Variants in CSGALNACT1 observed in about 807,000 individuals in gnomAD.
The protein encoded by CSGALNACT1 is chondroitin sulfate N-acetylgalactosaminyltransferase 1.
CSGALNACT1 carries 52 observed loss-of-function variants against 51.0 expected under a neutral mutation model. The observed-to-expected ratio is 1.02, with a 90% CI of 0.82 to 1.29. The LOEUF (loss-of-function observed/expected upper bound fraction) is 1.29. Ranked by LOEUF, CSGALNACT1 falls within the 50% of genes most tolerant of loss-of-function variation. The pLI, the probability that CSGALNACT1 is intolerant of heterozygous loss-of-function variation, is 0.00. For missense variants in CSGALNACT1, 935 were observed against 679.2 expected (o/e 1.38, Z -4.19); for synonymous variants, 341 against 254.4 (o/e 1.34, Z -3.24).
upstream of CSGALNACT1, among the ~76,000 whole-genome samples, chr8:19,603,113 G>GA (rs1276672060): frequency 8.4e-6 from 1 of 119,504 alleles, no homozygotes; most frequent in African/African-American, 3.8e-5. Context: ...TCACATGCAG[G>GA]AATTAAAAAA....
intron 4 of CSGALNACT1, among the ~76,000 whole-genome samples, chr8:19,463,489 C>G (rs918844200): frequency 6.6e-6 from 1 of 152,058 alleles, no homozygotes; most frequent in Non-Finnish European, 1.5e-5. Context: ...CACAAAGGAA[C>G]AGAGCAAACT....
intron 3 of CSGALNACT1, among the ~76,000 whole-genome samples, chr8:19,531,448 G>A (rs1047330479): frequency 6.6e-6 from 1 of 152,176 alleles, no homozygotes; most frequent in Non-Finnish European, 1.5e-5. Flanking sequence ...CCACAGCTTT[G>A]AGTGGATCAC....
intron 1 of CSGALNACT1, among the ~76,000 whole-genome samples, chr8:19,643,591 C>T (rs534551113): frequency 7.2e-4 from 108 of 150,994 alleles, no homozygotes; most frequent in Non-Finnish European, 1.2e-3. Flanking sequence ...TAAGCCAAGA[C>T]TGCACCACTG....
intron 3 of CSGALNACT1, among the ~76,000 whole-genome samples, chr8:19,569,804 A>C (rs990538626): frequency 1.3e-5 from 2 of 152,248 alleles, no homozygotes; most frequent in Non-Finnish European, 2.9e-5. Flanking sequence ...AAACTGGATA[A>C]ACTAAATTAT....
Position 19,450,937 on chromosome 8 carries a change from T to TA in CSGALNACT1, c.851+7488dup, listed in dbSNP as rs201185027. On this transcript the variant is annotated intron_variant, in intron 5 of 9. Coordinates refer to ENST00000454498, the Ensembl canonical transcript of CSGALNACT1. ...GTCTTCAAAAAAAAATAAAAAATAATAAAAAAAAAGGACTCACACAGCACA... is the reference window on the plus strand; with the variant it reads ...GTCTTCAAAAAAAAATAAAAAATAATAAAAAAAAAAGGACTCACACAGCACA... 9.6e-4 allele frequency among the ~76,000 whole-genome samples: 144 copies of TA among 150,056 alleles called. 2 individuals are homozygous for TA. Among genetic ancestry groups the TA allele is most frequent in the South Asian group, 4.2e-3 (20 of 4,726 alleles).
chr8:19,684,758 T>C (rs529773954), upstream of CSGALNACT1, among the ~76,000 whole-genome samples: 13 of 152,208 alleles, frequency 8.5e-5, no homozygotes, highest in Non-Finnish European at 1.8e-4. Flanking sequence ...CGTGTAAGCC[T>C]TTCTGGCCAA....
At position 19,464,517 on chromosome 8, in the gene CSGALNACT1, A is replaced by C. The variant is rs1351959572; in HGVS notation, c.635-5875T>G. Reference sequence around the variant, plus strand: ...CCAATCAAGCTGGTTTATATTAAGCACATATAACTACTGATTCCAGGGGTC... The same window carrying C: ...CCAATCAAGCTGGTTTATATTAAGCCCATATAACTACTGATTCCAGGGGTC... On this transcript the variant is annotated intron_variant, in intron 4 of 9. Transcript: ENST00000454498. 2.6e-5 allele frequency among the ~76,000 whole-genome samples: 4 copies of C among 152,256 alleles called. No homozygotes were observed. In the East Asian group the frequency reaches 7.7e-4, roughly 29 times the overall value.
intron 5 of CSGALNACT1, among the ~76,000 whole-genome samples, chr8:19,454,815 T>G (rs1481000075): frequency 6.6e-6 from 1 of 152,180 alleles, no homozygotes; most frequent in Non-Finnish European, 1.5e-5. Context: ...TTCCAACCAC[T>G]TTTTGTTTTG....
intron 1 of CSGALNACT1, among the ~76,000 whole-genome samples, chr8:19,614,595 A>C (rs1280486421): frequency 1.3e-5 from 2 of 152,088 alleles, no homozygotes; most frequent in Non-Finnish European, 2.9e-5. Flanking sequence ...TTTTTTCATC[A>C]GCTTAGGATA....
intron 4 of CSGALNACT1, among the ~76,000 whole-genome samples, chr8:19,464,600 G>A (rs191839574): frequency 1.8e-3 from 269 of 152,260 alleles, no homozygotes; most frequent in East Asian, 3.9e-3. Flanking sequence ...TGCCGAGAAG[G>A]AGGGGAGCAG....
chr8:19,550,416 C>T (rs1010296867), intron 3 of CSGALNACT1, among the ~76,000 whole-genome samples: 1 of 152,230 alleles, frequency 6.6e-6, no homozygotes, highest in African/African-American at 2.4e-5. Flanking sequence ...CAACTCCTCA[C>T]TGAATTTTTA....
chr8:19,556,062 T>C (rs1360188740), intron 3 of CSGALNACT1, among the ~76,000 whole-genome samples: 6 of 152,206 alleles, frequency 3.9e-5, no homozygotes, highest in Non-Finnish European at 5.9e-5. Flanking sequence ...CAAGCAACAT[T>C]TGCATTAACA....
chr8:19,751,829 C>T (rs1380285271), intron 1 of CSGALNACT1, among the ~76,000 whole-genome samples: 6 of 152,056 alleles, frequency 3.9e-5, no homozygotes, highest in Non-Finnish European at 8.8e-5. Flanking sequence ...TCACTTTCTG[C>T]CATGATTGTA....
exon 4 of CSGALNACT1, chr8:19,505,227 G>C (rs1415330523): frequency 1.9e-6 from 3 of 1,614,046 alleles, no homozygotes; most frequent in African/African-American, 1.3e-5. Context: ...GGCCGTGTAA[G>C]GACGGTGATT....
At chr8:19,447,513 C>A (rs1056665090) in intron 5 of CSGALNACT1, among the ~76,000 whole-genome samples, 3 of 152,134 alleles carry the variant, frequency 2.0e-5, no homozygotes, top group East Asian at 1.9e-4. Context: ...TCTTTTTCAA[C>A]CTCTGCACTG....
intron 5 of CSGALNACT1, among the ~76,000 whole-genome samples, chr8:19,444,206 T>A (rs556691808): frequency 1.3e-5 from 2 of 152,184 alleles, no homozygotes; most frequent in Non-Finnish European, 2.9e-5. Context: ...CCTACATACA[T>A]CCTCTTGTAG....
At chr8:19,423,657 T>A (rs1488557228) in intron 6 of CSGALNACT1, among the ~76,000 whole-genome samples, 3 of 152,138 alleles carry the variant, frequency 2.0e-5, no homozygotes, top group Non-Finnish European at 2.9e-5. Context: ...ACTTTTTTTT[T>A]AAGCCTTAAA....
chr8:19,439,256 T>C (rs569414460), intron 6 of CSGALNACT1, among the ~76,000 whole-genome samples: 6 of 152,192 alleles, frequency 3.9e-5, no homozygotes, highest in Non-Finnish European at 5.9e-5. Flanking sequence ...CAACTGGAGG[T>C]CTCAAGTTTT....
At chr8:19,422,585 G>T (rs770684057) in intron 6 of CSGALNACT1, among the ~76,000 whole-genome samples, 5 of 152,146 alleles carry the variant, frequency 3.3e-5, no homozygotes, top group Non-Finnish European at 4.4e-5. Context: ...CTTTTCTCTG[G>T]GGGGGTGCCC....
Sources: allele counts gnomAD v4.1 joint callset (sites outside exome capture counted in the v4.1 genomes callset), GRCh38; gene constraint gnomAD v4.1.1; transcripts MANE v1.5; gene names NCBI Gene and HGNC (gene_info 2026-07-23, HGNC 2026-07-21).